The following PLBD1 variants were observed in gnomAD, a reference collection of about 807,000 sequenced individuals.
PLBD1 encodes the protein phospholipase B domain containing 1.
PLBD1 carries 60 observed loss-of-function variants against 63.0 expected under a neutral mutation model. That is an observed-to-expected ratio of 0.95 (90% CI 0.77 to 1.18). PLBD1 has a LOEUF of 1.18. Among genes scored for constraint, PLBD1 ranks in the 50% most tolerant of loss-of-function variants. PLBD1 has a pLI of 0.00. For missense variants in PLBD1, 598 were observed against 677.9 expected (o/e 0.88, Z 1.31); for synonymous variants, 262 against 248.0 (o/e 1.06, Z -0.53).
Position 14,521,420 on chromosome 12 carries a change from G to A in PLBD1, c.845-9709C>T, listed in dbSNP as rs1398608632. ...TTGGAGTAGGCCTTGTGCACCCGTG[G>A]CGCATGAAACAAACTGGCACCCTTG... On this transcript the variant is annotated intron_variant, in intron 6 of 10. Coordinates refer to ENST00000240617, the MANE Select transcript of PLBD1 (RefSeq NM_024829.6). Among the ~76,000 whole-genome samples the A allele has an allele frequency of 8.5e-5, 13 of 152,130 alleles. No individual in the cohort carries two copies. In the East Asian group the frequency reaches 2.5e-3, roughly 30 times the overall value.
intron 2 of PLBD1, among the ~76,000 whole-genome samples, chr12:14,551,150 G>A (rs7313229): frequency 0.026 from 3,912 of 152,220 alleles, 154 homozygotes; most frequent in African/African-American, 0.089. Context: ...GGATCACGAG[G>A]TCAGGAGTTC....
chr12:14,507,091 A>C lies in PLBD1; in HGVS notation c.1214T>G (p.Phe405Cys), dbSNP rs764827019. ...ACTCCAGTTGTAGATTTTTTCATGG[A>C]AAGGAACATTGTAGGAGGGCCAATA... ...KGYWPSYNVP[F>C]HEKIYNWSGY... is the part of the protein sequence containing the mutation. The change falls in exon 9 of 11, where the codon TTC becomes TGC. Residue 405 changes from phenylalanine (F) to cysteine (C), a missense_variant. Coordinates refer to ENST00000240617, the MANE Select transcript of PLBD1 (RefSeq NM_024829.6). The C allele has an allele frequency of 1.9e-6, 3 of 1,612,072 alleles. No homozygotes were observed. Among genetic ancestry groups the C allele is most frequent in the Non-Finnish European group, 2.5e-6 (3 of 1,178,536 alleles).
chr12:14,564,057 T>C (rs1461657293), intron 1 of PLBD1, among the ~76,000 whole-genome samples: 1 of 152,108 alleles, frequency 6.6e-6, no homozygotes, highest in Non-Finnish European at 1.5e-5. Context: ...CTGGGTAACA[T>C]AGTGAGACTC....
chr12:14,533,591 T>C (rs1332231874), intron 6 of PLBD1, among the ~76,000 whole-genome samples: 1 of 152,166 alleles, frequency 6.6e-6, no homozygotes, highest in African/African-American at 2.4e-5. Flanking sequence ...GCAGTGCACA[T>C]AACATCTGAA....
intron 2 of PLBD1, among the ~76,000 whole-genome samples, chr12:14,545,307 C>G (rs1032360034): frequency 1.7e-4 from 26 of 152,234 alleles, no homozygotes; most frequent in African/African-American, 5.3e-4. Flanking sequence ...AGCCTTGACT[C>G]AGCTCACTCA....
chr12:14,558,598 C>T (rs1367924759), intron 1 of PLBD1, among the ~76,000 whole-genome samples: 1 of 152,128 alleles, frequency 6.6e-6, no homozygotes, highest in East Asian at 1.9e-4. Flanking sequence ...GAAGGTGTGT[C>T]TCTTCTCTTT....
chr12:14,554,543 T>C (rs1310571874), intron 1 of PLBD1, among the ~76,000 whole-genome samples: 1 of 152,150 alleles, frequency 6.6e-6, no homozygotes, highest in African/African-American at 2.4e-5. Context: ...GTGACAGAGC[T>C]GTGAACATGA....
At chr12:14,563,797 C>T (rs61920178) in intron 1 of PLBD1, among the ~76,000 whole-genome samples, 4 of 152,164 alleles carry the variant, frequency 2.6e-5, no homozygotes, top group Non-Finnish European at 5.9e-5. Context: ...GCTTCAAACA[C>T]AGGCATTAGG....
At chr12:14,510,227 C>T (rs7955931) in intron 8 of PLBD1, among the ~76,000 whole-genome samples, 4,966 of 152,186 alleles carry the variant, frequency 0.033, 268 homozygotes, top group African/African-American at 0.11. Context: ...CCCGTCTCTA[C>T]TAAAAACACA....
chr12:14,523,677 CA>C (rs754391491), intron 6 of PLBD1, among the ~76,000 whole-genome samples: 4 of 152,132 alleles, frequency 2.6e-5, no homozygotes, highest in Non-Finnish European at 5.9e-5. Context: ...TAAATTCACA[CA>C]CTTACAGCTA....
chr12:14,540,110 T>TTATATATATA lies in PLBD1; in HGVS notation c.558+644_558+653dup, dbSNP rs71038605. On this transcript the variant is annotated intron_variant, in intron 4 of 10. Coordinates refer to ENST00000240617, the MANE Select transcript of PLBD1 (RefSeq NM_024829.6). Reference sequence around the variant, plus strand: ...GAGAGTTATATAATATAAATATTATTTATATATATATATATATATATACTG... The same window carrying TTATATATATA: ...GAGAGTTATATAATATAAATATTATTTATATATATATATATATATATATATATATATACTG... Among the ~76,000 whole-genome samples, 9 of 91,780 alleles carry TTATATATATA rather than the reference T, an allele frequency of 9.8e-5. 1 individual carries two copies. The highest frequency in any genetic ancestry group is 7.1e-4 in the Admixed American group (5 of 7,076). 60.2% of individuals were successfully genotyped at this position (91,780 alleles called of 152,430 possible).
intron 2 of PLBD1, among the ~76,000 whole-genome samples, chr12:14,547,478 C>G (rs76212837): frequency 2.6e-5 from 4 of 152,252 alleles, no homozygotes; most frequent in Admixed American, 2.6e-4. Flanking sequence ...GACTCCACTA[C>G]TTCTAAGCTA....
chr12:14,534,711 T>C (rs1192235253), intron 6 of PLBD1, among the ~76,000 whole-genome samples: 1 of 152,088 alleles, frequency 6.6e-6, no homozygotes, highest in Non-Finnish European at 1.5e-5. Flanking sequence ...GCCTGGCTAA[T>C]TTTTTGTATT....
chr12:14,507,011 G>A lies in PLBD1; in HGVS notation c.1294C>T (p.Pro432Ser). The change falls in exon 9 of 11, where the codon CCA becomes TCA. Residue 432 changes from proline (P) to serine (S), a missense_variant. Physicochemically the swap from Pro to Ser is moderately conservative, Grantham distance 74. Transcript: ENST00000240617. ...TCACGCCGGAAAATTTTGGCTCGTG[G>A]AGCTAAATCATAAGAGTAGTCCAAG... The part of the protein sequence containing the change: ...LGLDYSYDLA[P>S]RAKIFRRDQG... The A allele has an allele frequency of 1.9e-6, 3 of 1,614,044 alleles. No homozygotes were observed. Among genetic ancestry groups the A allele is most frequent in the Non-Finnish European group, 2.5e-6 (3 of 1,179,990 alleles).
At chr12:14,534,567 G>A (rs375860738) in intron 6 of PLBD1, among the ~76,000 whole-genome samples, 1 of 141,802 alleles carries the variant, frequency 7.1e-6, no homozygotes, top group Non-Finnish European at 1.5e-5. Context: ...TTTTTGAGAC[G>A]GAGTCTCGCT....
intron 10 of PLBD1, 135 bp from the exon 11 acceptor site, chr12:14,504,089 G>T: frequency 1.2e-6 from 1 of 806,524 alleles, no homozygotes; most frequent in Non-Finnish European, 1.9e-6. Flanking sequence ...CGCTCTTGTT[G>T]CCCAGACTGG....
chr12:14,528,550 A>G (rs1253327399), intron 6 of PLBD1, among the ~76,000 whole-genome samples: 1 of 152,192 alleles, frequency 6.6e-6, no homozygotes, highest in Non-Finnish European at 1.5e-5. Context: ...ATAAAAATGA[A>G]CACAAAATAT....
At chr12:14,559,771 T>C (rs1945731924) in intron 1 of PLBD1, among the ~76,000 whole-genome samples, 1 of 152,116 alleles carries the variant, frequency 6.6e-6, no homozygotes. Flanking sequence ...CCATCATTTT[T>C]ATATTTCTCT....
chr12:14,516,201 C>T (rs552738751), intron 6 of PLBD1, among the ~76,000 whole-genome samples: 27 of 152,128 alleles, frequency 1.8e-4, no homozygotes, highest in African/African-American at 5.1e-4. Context: ...CGGTGGCGCG[C>T]GCCTGTAATC....
Sources: gnomAD v4.1 joint callset for allele counts (sites outside exome capture counted in the v4.1 genomes callset) on GRCh38, gnomAD v4.1.1 for gene constraint, MANE v1.5 for transcripts, NCBI Gene and HGNC (gene_info 2026-07-23, HGNC 2026-07-21) for gene names.